Variants in CYRIA observed in about 807,000 individuals in gnomAD.
CYRIA encodes the protein CYFIP related Rac1 interactor A.
CYRIA carries 15 observed loss-of-function variants against 43.9 expected under a neutral mutation model. That is an observed-to-expected ratio of 0.34 (90% CI 0.23 to 0.53). The LOEUF (loss-of-function observed/expected upper bound fraction) is 0.53, where lower values mean the gene tolerates loss of function less well. Ranked by LOEUF, CYRIA falls within the 20% of genes least tolerant of loss-of-function variation. The pLI, the probability that CYRIA is intolerant of heterozygous loss-of-function variation, is 0.94. For synonymous variants in CYRIA, 117 were observed against 136.0 expected (o/e 0.86, Z 0.97); for missense variants, 236 against 394.2 (o/e 0.60, Z 3.40).
chr2:16,589,169 C>T (rs1327386127), intron 2 of CYRIA, among the ~76,000 whole-genome samples: 1 of 152,012 alleles, frequency 6.6e-6, no homozygotes, highest in East Asian at 1.9e-4. Context: ...ACTCTTGTGC[C>T]TCAGATATTT....
In CYRIA at chr2:16,624,336, A is replaced by G. The variant is rs573160615; in HGVS notation, c.-166-317T>C. On this transcript the variant is annotated intron_variant, in intron 1 of 11. Transcript: ENST00000381323. Reference sequence around the variant, plus strand: ...AGGCTGACTTCTCAAACAAGTGGTCATTGACCTTGAATGGGAAGTCTTTTT... The same window carrying G: ...AGGCTGACTTCTCAAACAAGTGGTCGTTGACCTTGAATGGGAAGTCTTTTT... Among the ~76,000 whole-genome samples, 3 of 152,352 alleles carry G rather than the reference A, an allele frequency of 2.0e-5. No individual in the cohort carries two copies. The South Asian group carries it at 6.2e-4, about 32-fold the overall frequency.
intron 1 of CYRIA, among the ~76,000 whole-genome samples, chr2:16,649,165 G>T (rs1209178817): frequency 2.0e-5 from 3 of 152,204 alleles, no homozygotes; most frequent in East Asian, 3.8e-4. Context: ...ATTGTATTAG[G>T]TATTGTAATC....
Position 16,561,523 on chromosome 2 carries a change from G to T in CYRIA, c.446C>A (p.Pro149Gln). Residue 149 changes from proline (P) to glutamine (Q), a missense_variant, in exon 7 of 12, where the codon CCG (proline) becomes CAG (glutamine). Around this residue, in one of 3 missense-constraint regions of CYRIA, gnomAD observed 193 missense variants for 303.9 expected, o/e 0.64. Transcript: ENST00000381323. ...GTAGCTGAAGTCATTCTGAATAGCCGGGTTCCTCATCTGAAATTCAGAGGA... is the reference window on the plus strand; with the variant it reads ...GTAGCTGAAGTCATTCTGAATAGCCTGGTTCCTCATCTGAAATTCAGAGGA... Reference protein sequence around the residue: ...LRFDELKMRNPAIQNDFSYYR... With the variant: ...LRFDELKMRNQAIQNDFSYYR... 1 of 1,613,586 alleles carries T rather than the reference G, an allele frequency of 6.2e-7. No homozygotes were observed. The highest frequency in any genetic ancestry group is 8.5e-7 in the Non-Finnish European group (1 of 1,179,638).
chr2:16,620,946 C>T (rs115554056), intron 2 of CYRIA, among the ~76,000 whole-genome samples: 468 of 152,322 alleles, frequency 3.1e-3, no homozygotes, highest in Middle Eastern at 0.014. Flanking sequence ...AACCTGCTCC[C>T]AAGAAGCTTC....
At chr2:16,580,135 A>C (rs779454709) in intron 3 of CYRIA, among the ~76,000 whole-genome samples, 2 of 151,970 alleles carry the variant, frequency 1.3e-5, no homozygotes, top group Non-Finnish European at 2.9e-5. Flanking sequence ...TTTTGTAGAG[A>C]TGAGGTCTCG....
rs1668400406 is a variant in CYRIA, at chr2:16,606,453, C to T, written c.-11+17411G>A. Among the ~76,000 whole-genome samples, 3 of 151,826 alleles carry T rather than the reference C, an allele frequency of 2.0e-5. No individual in the cohort carries two copies. The South Asian group carries it at 6.2e-4, about 31-fold the overall frequency. On this transcript the variant is annotated intron_variant, in intron 2 of 11. Coordinates refer to ENST00000381323, the MANE Select transcript of CYRIA (RefSeq NM_030797.4). ...GATACTTGAGACCCCTGGGATCATT[C>T]ACCAGTCTCTGAACATGTTACAGGG...
At chr2:16,629,234 C>G (rs577519488) in intron 1 of CYRIA, among the ~76,000 whole-genome samples, 68 of 152,344 alleles carry the variant, frequency 4.5e-4, no homozygotes, top group Non-Finnish European at 8.2e-4. Context: ...TTTTCTGCTG[C>G]CAGCAGGCAC....
chr2:16,613,478 C>A (rs1209667706), intron 2 of CYRIA, among the ~76,000 whole-genome samples: 2 of 152,240 alleles, frequency 1.3e-5, no homozygotes, highest in South Asian at 4.1e-4. Context: ...CAGCCCTGCA[C>A]TCGATGCTAT....
rs115734494 is a variant in CYRIA, at chr2:16,564,560, C to G, written c.193-466G>C. ...AAAACCACCTCTTACTAGACTGTTACTTTTTTAGAAACTCCGCCTTGTCTG... is the reference window on the plus strand; with the variant it reads ...AAAACCACCTCTTACTAGACTGTTAGTTTTTTAGAAACTCCGCCTTGTCTG... On this transcript the variant is annotated intron_variant, in intron 4 of 11. Transcript: ENST00000381323. 6.5e-3 allele frequency among the ~76,000 whole-genome samples: 984 copies of G among 152,234 alleles called. 21 individuals carry two copies. The highest frequency in any genetic ancestry group is 0.022 in the African/African-American group (928 of 41,552).
chr2:16,620,280 A>G (rs971312369), intron 2 of CYRIA, among the ~76,000 whole-genome samples: 33 of 152,362 alleles, frequency 2.2e-4, no homozygotes, highest in Admixed American at 2.2e-3. Context: ...CCTAAATCCC[A>G]TCATTTCTAC....
At chr2:16,635,213 G>A (rs1425448855) in intron 1 of CYRIA, among the ~76,000 whole-genome samples, 1 of 152,192 alleles carries the variant, frequency 6.6e-6, no homozygotes, top group Non-Finnish European at 1.5e-5. Context: ...ATCACGCACA[G>A]GAAAGCCCCT....
chr2:16,561,213 G>C lies in CYRIA; in HGVS notation c.578C>G (p.Ala193Gly). 6.2e-7 allele frequency: 1 copy of C among 1,613,816 alleles called. No individual in the cohort carries two copies. Among genetic ancestry groups the C allele is most frequent in the Non-Finnish European group, 8.5e-7 (1 of 1,179,782 alleles). Residue 193 changes from alanine to glycine, a missense_variant, in exon 8 of 12, where the codon GCC becomes GGC. Physicochemically the swap from Ala to Gly is moderately conservative, Grantham distance 60. This residue lies in a region of CYRIA where 193 missense variants were observed against 303.9 expected (regional missense o/e 0.64). Coordinates refer to ENST00000381323, the MANE Select transcript of CYRIA (RefSeq NM_030797.4). ...GCTAAGGGTTTTCAGCATTGGCGTG[G>C]CTTCTGCATAGAAGAGGGACATTCG... The part of the protein sequence containing the change: ...ANRMSLFYAE[A>G]TPMLKTLSNA...
intron 2 of CYRIA, among the ~76,000 whole-genome samples, chr2:16,590,063 T>A (rs1422633276): frequency 7.5e-6 from 1 of 133,396 alleles, no homozygotes; most frequent in Non-Finnish European, 1.5e-5. Flanking sequence ...TATTTGGGCA[T>A]GCATGCACAC....
intron 1 of CYRIA, among the ~76,000 whole-genome samples, chr2:16,639,205 A>T (rs1309061973): frequency 6.6e-6 from 1 of 152,242 alleles, no homozygotes; most frequent in East Asian, 1.9e-4. Flanking sequence ...TTCTGGGCTA[A>T]CTTTCTGATC....
chr2:16,554,640 C>T (rs1214809797), intron 11 of CYRIA, among the ~76,000 whole-genome samples: 1 of 152,160 alleles, frequency 6.6e-6, no homozygotes, highest in Non-Finnish European at 1.5e-5. Context: ...CAGTCAGAAT[C>T]ACACAGAGTG....
intron 10 of CYRIA, among the ~76,000 whole-genome samples, chr2:16,556,853 A>G (rs1381721295): frequency 6.6e-6 from 1 of 152,082 alleles, no homozygotes; most frequent in African/African-American, 2.4e-5. Context: ...TATGGGGTGA[A>G]GAAGCCATTC....
At position 16,649,861 on chromosome 2, in the gene CYRIA, C is replaced by T. The variant is rs993878062; in HGVS notation, c.-167+15919G>A. 2.6e-5 allele frequency among the ~76,000 whole-genome samples: 4 copies of T among 152,252 alleles called. No homozygotes were observed. The East Asian group carries it at 7.7e-4, about 29-fold the overall frequency. ...CAGATGACTTGGATGTACCACTTCC[C>T]CTCCCTGGGAGGAGGTTACAATTGG... On this transcript the variant is annotated intron_variant, in intron 1 of 11. Coordinates refer to ENST00000381323, the MANE Select transcript of CYRIA (RefSeq NM_030797.4).
At chr2:16,553,363 A>G (rs1052771884) in intron 11 of CYRIA, among the ~76,000 whole-genome samples, 1 of 152,162 alleles carries the variant, frequency 6.6e-6, no homozygotes, top group African/African-American at 2.4e-5. Flanking sequence ...AACATTGCCC[A>G]GAACTGGAAT....
intron 1 of CYRIA, among the ~76,000 whole-genome samples, chr2:16,634,672 G>C (rs1264259882): frequency 6.6e-6 from 1 of 152,174 alleles, no homozygotes; most frequent in East Asian, 1.9e-4. Context: ...ATGTGTCTGG[G>C]GGGTGGCAGA....
Sources: gnomAD v4.1 joint callset for allele counts (sites outside exome capture counted in the v4.1 genomes callset) on GRCh38, gnomAD v4.1.1 for gene constraint, gnomAD v4.1.1 regional missense constraint, MANE v1.5 for transcripts, NCBI Gene and HGNC (gene_info 2026-07-23, HGNC 2026-07-21) for gene names.